Variants in ASB2 observed in about 807,000 individuals in gnomAD.
ASB2 encodes the protein ankyrin repeat and SOCS box containing 2.
A neutral mutation model predicts 62.4 loss-of-function variants in ASB2; 58 were observed. The ratio of observed to expected loss-of-function variants is 0.93; its 90% CI spans 0.75 to 1.16. The LOEUF is 1.16. Ranked by LOEUF, ASB2 falls within the 50% of genes most tolerant of loss-of-function variation. ASB2 has a pLI of 0.00. For missense variants in ASB2, 928 were observed against 887.9 expected, an observed-to-expected ratio of 1.05 and a Z score of -0.57; for synonymous variants, 386 against 385.3, an observed-to-expected ratio of 1.00 and a Z score of -0.02.
rs558570268 is a variant in ASB2 at position 93,946,428 on chromosome 14, C to CA, written c.1052+920dup. On this transcript the variant is annotated intron_variant, in intron 7 of 9. Transcript: ENST00000555019. ...TGCTGGGAATGCTTAAAAACTGGCT[C>CA]AAGCAAGGGCAGAGAAGGGGGAAAG... Among the ~76,000 whole-genome samples, 282 of 152,312 alleles carry CA rather than the reference C, an allele frequency of 1.9e-3. 1 individual carries two copies. Among genetic ancestry groups the CA allele is most frequent in the African/African-American group, 6.3e-3 (263 of 41,580 alleles).
At chr14:93,952,773 G>T (rs1889017629) in intron 5 of ASB2, among the ~76,000 whole-genome samples, 1 of 152,320 alleles carries the variant, frequency 6.6e-6, no homozygotes, top group South Asian at 2.1e-4. Context: ...ACGGTGCCTG[G>T]CACATACTAA....
At chr14:93,950,433 C>G (rs1194109272) in intron 6 of ASB2, among the ~76,000 whole-genome samples, 2 of 152,288 alleles carry the variant, frequency 1.3e-5, no homozygotes, top group Non-Finnish European at 2.9e-5. Context: ...GCAAAGAGGG[C>G]AAAGAGCTGG....
intron 7 of ASB2, 105 bp from the exon 8 acceptor site, chr14:93,939,777 C>T (rs1402753987): frequency 3.2e-6 from 3 of 952,302 alleles, no homozygotes; most frequent in Admixed American, 4.2e-5. Context: ...CGGCTGGTCG[C>T]CCTGACCGCG....
At chr14:93,966,928 C>A (rs1329291261) in intron 1 of ASB2, among the ~76,000 whole-genome samples, 1 of 152,120 alleles carries the variant, frequency 6.6e-6, no homozygotes, top group Non-Finnish European at 1.5e-5. Flanking sequence ...GTGGTCCACA[C>A]TAGAGGAGGG....
intron 1 of ASB2, among the ~76,000 whole-genome samples, chr14:93,972,526 G>A (rs552512145): frequency 1.3e-5 from 2 of 152,242 alleles, no homozygotes; most frequent in African/African-American, 4.8e-5. Flanking sequence ...CCCATGGCGC[G>A]GATGAGGAGA....
At chr14:93,953,828 CG>C (rs1889069105) in intron 4 of ASB2, among the ~76,000 whole-genome samples, 1 of 152,144 alleles carries the variant, frequency 6.6e-6, no homozygotes, top group African/African-American at 2.4e-5. Context: ...CTTGGAGTGT[CG>C]GGGGCCGTGT....
intron 1 of ASB2, among the ~76,000 whole-genome samples, chr14:93,965,789 C>T (rs1233524264): frequency 6.6e-6 from 1 of 152,240 alleles, no homozygotes; most frequent in Non-Finnish European, 1.5e-5. Context: ...CATGACTTGC[C>T]CTGGCCTGTG....
chr14:93,967,804 G>A (rs531603423), intron 1 of ASB2, among the ~76,000 whole-genome samples: 5 of 152,212 alleles, frequency 3.3e-5, no homozygotes, highest in South Asian at 4.1e-4. Context: ...CAGAAAACCC[G>A]GGGGGAGTGG....
chr14:93,961,089 A>G (rs769224743), intron 2 of ASB2, among the ~76,000 whole-genome samples: 44 of 152,228 alleles, frequency 2.9e-4, no homozygotes, highest in Non-Finnish European at 4.4e-4. Flanking sequence ...TCTGTGAAGC[A>G]GAGGCCATCA....
chr14:93,975,525 C>G (rs1889887603), intron 1 of ASB2, among the ~76,000 whole-genome samples: 1 of 152,190 alleles, frequency 6.6e-6, no homozygotes, highest in Admixed American at 6.5e-5. Context: ...CCCTTCATAT[C>G]CCAGATGCTC....
At chr14:93,961,418 T>TAGCCTGCCACAGATAGCAGCCACAGATA in intron 2 of ASB2, among the ~76,000 whole-genome samples, 1 of 152,206 alleles carries the variant, frequency 6.6e-6, no homozygotes, top group African/African-American at 2.4e-5. Context: ...AGCCATGTGG[T>TAGCCTGCCACAGATAGCAGCCACAGATA]GCCTGCCACA....
chr14:93,954,606 C>A, intron 3 of ASB2, 123 bp from the exon 4 acceptor site: 2 of 836,446 alleles, frequency 2.4e-6, no homozygotes, highest in South Asian at 3.3e-5. Context: ...CCAGGATGAG[C>A]ACTCAGCCCC....
chr14:93,959,767 C>G (rs1164116738), intron 2 of ASB2, among the ~76,000 whole-genome samples: 6 of 152,042 alleles, frequency 3.9e-5, no homozygotes. Context: ...CAGGACAGTG[C>G]TCCTAGCCTC....
chr14:93,937,048 C>T (rs566140333), intron 9 of ASB2, among the ~76,000 whole-genome samples: 14 of 152,272 alleles, frequency 9.2e-5, no homozygotes, highest in South Asian at 2.1e-4. Context: ...ACAGTTCAGG[C>T]GGGTCCAGCT....
intron 7 of ASB2, chr14:93,940,373 A>G (rs964521301): frequency 6.6e-6 from 1 of 152,292 alleles, no homozygotes; most frequent in Admixed American, 6.5e-5. Flanking sequence ...GGGCTTGCCC[A>G]GTCATACAGT....
rs572067592 is a variant in ASB2 at position 93,937,839 on chromosome 14, C to T, written c.1630G>A (p.Val544Ile). The T allele has an allele frequency of 1.0e-5, 16 of 1,597,946 alleles. No individual in the cohort carries two copies. Among genetic ancestry groups the T allele is most frequent in the South Asian group, 6.6e-5 (6 of 90,568 alleles). Reference protein sequence around the residue: ...EPSVVQFCEFVSAPEVSRWAG... With the variant: ...EPSVVQFCEFISAPEVSRWAG... ...CAGCGGCTCACCTCTGGGGCAGATA[C>T]GAACTCACAGAACTGAAAGAGAACA... The change falls in exon 9 of 10, where the codon GTA (valine) becomes ATA (isoleucine). Residue 544 changes from valine to isoleucine, a missense_variant. Coordinates refer to ENST00000555019, the MANE Select transcript of ASB2 (RefSeq NM_001202429.2).
chr14:93,967,213 G>A (rs745835944), intron 1 of ASB2, among the ~76,000 whole-genome samples: 37 of 152,118 alleles, frequency 2.4e-4, no homozygotes, highest in Non-Finnish European at 2.1e-4. Context: ...ATCTCCAGCT[G>A]GCCCAGGCCT....
chr14:93,960,319 A>C (rs1351461063), intron 2 of ASB2, among the ~76,000 whole-genome samples: 1 of 151,974 alleles, frequency 6.6e-6, no homozygotes, highest in Non-Finnish European at 1.5e-5. Context: ...CTGGGCCTTC[A>C]CCCTCATTAG....
intron 1 of ASB2, among the ~76,000 whole-genome samples, chr14:93,970,971 C>T (rs182710135): frequency 2.6e-5 from 4 of 152,328 alleles, no homozygotes; most frequent in Non-Finnish European, 5.9e-5. Flanking sequence ...CAAGATGCTG[C>T]GATTCTCTGC....
Sources: allele counts gnomAD v4.1 joint callset (sites outside exome capture counted in the v4.1 genomes callset), GRCh38; gene constraint gnomAD v4.1.1; transcripts MANE v1.5; gene names NCBI Gene and HGNC (gene_info 2026-07-23, HGNC 2026-07-21).